The following POC1B variants were observed in gnomAD, a reference collection of about 807,000 sequenced individuals.
POC1B encodes the protein POC1 centriolar protein homolog B.
Under a neutral mutation model 60.6 loss-of-function variants are expected in POC1B, and 44 were observed. The ratio of observed to expected loss-of-function variants is 0.73; its 90% confidence interval spans 0.57 to 0.93. The LOEUF is 0.93. Ranked by LOEUF, POC1B falls within the 40% of genes least tolerant of loss-of-function variation. The pLI is 0.00. For missense variants in POC1B, 555 were observed against 572.3 expected (o/e 0.97, Z 0.31); for synonymous variants, 180 against 198.9 (o/e 0.90, Z 0.80).
chr12:89,421,019 C>T lies in POC1B; in HGVS notation c.*134G>A. Reference sequence around the variant, plus strand: ...CTTTTCTGCCTTTTGTTCTGTTGCTCACCCTTTTAAGAAATGCCATGATAA... The same window carrying T: ...CTTTTCTGCCTTTTGTTCTGTTGCTTACCCTTTTAAGAAATGCCATGATAA... On this transcript the variant is annotated 3_prime_UTR_variant, in exon 12 of 12. Coordinates refer to ENST00000313546, the MANE Select transcript of POC1B (RefSeq NM_172240.3). 1 of 620,246 alleles carries T rather than the reference C, an allele frequency of 1.6e-6. No homozygotes were observed. Among genetic ancestry groups the T allele is most frequent in the South Asian group, 3.2e-5 (1 of 31,094 alleles). The allele number at this position is 620,246 out of a possible 1,614,324, so 38.4% of individuals were successfully genotyped here.
In POC1B at chr12:89,502,761, A is replaced by G. The variant is rs778829348; in HGVS notation, c.101-5419T>C. 8.2e-5 allele frequency: 110 copies of G among 1,346,926 alleles called. No homozygotes were observed. In the Middle Eastern group the frequency reaches 1.2e-3, roughly 15 times the overall value. 83.4% of individuals were successfully genotyped at this position (1,346,926 alleles called of 1,614,324 possible). A position where few individuals can be genotyped will look rare whatever the true frequency, so the allele number is the denominator to read the frequency against. On this transcript the variant is annotated intron_variant, in intron 2 of 11. Coordinates refer to ENST00000313546, the MANE Select transcript of POC1B (RefSeq NM_172240.3). ...CCACAAGAAGAAAAGGGAAAGCAGC[A>G]TGTTGGCCAGGATATATTGTTTTTT...
At chr12:89,462,464 G>A (rs1565735583) in intron 9 of POC1B, among the ~76,000 whole-genome samples, 1 of 152,038 alleles carries the variant, frequency 6.6e-6, no homozygotes, top group African/African-American at 2.4e-5. Context: ...CCCCATTGAG[G>A]TTCTCTGTGT....
At chr12:89,406,114 C>T in the POC1B span, among the ~76,000 whole-genome samples, 2 of 151,826 alleles carry the variant, frequency 1.3e-5, no homozygotes, top group African/African-American at 4.8e-5. Flanking sequence ...CTTCCCCCCA[C>T]ATCTCATTAG....
chr12:89,449,356 A>G (rs564911009), intron 10 of POC1B, among the ~76,000 whole-genome samples: 1 of 152,358 alleles, frequency 6.6e-6, no homozygotes, highest in Admixed American at 6.5e-5. Context: ...AGGCATGTAA[A>G]TGAGAATGCT....
At chr12:89,413,381 G>C in the POC1B span, among the ~76,000 whole-genome samples, 2 of 152,030 alleles carry the variant, frequency 1.3e-5, no homozygotes, top group African/African-American at 4.8e-5. Context: ...AAATTTTGTG[G>C]AGATGGAGTC....
intron 2 of POC1B, chr12:89,520,407 A>G (rs1444947617): frequency 6.6e-6 from 1 of 152,072 alleles, no homozygotes; most frequent in Non-Finnish European, 1.5e-5. Flanking sequence ...GAGAAAATTT[A>G]AAAATAAGTA....
chr12:89,405,088 G>A, the POC1B span, among the ~76,000 whole-genome samples: 1 of 152,090 alleles, frequency 6.6e-6, no homozygotes, highest in African/African-American at 2.4e-5. Context: ...ACCTTTCCAT[G>A]TTTTGAATGA....
chr12:89,464,854 A>G (rs1316520991), intron 9 of POC1B, among the ~76,000 whole-genome samples: 6 of 151,868 alleles, frequency 4.0e-5, no homozygotes, highest in African/African-American at 1.2e-4. Flanking sequence ...CATATACAGA[A>G]TCCTATCACT....
intron 4 of POC1B, among the ~76,000 whole-genome samples, chr12:89,472,862 A>C (rs576223010): frequency 1.2e-4 from 19 of 152,348 alleles, no homozygotes; most frequent in African/African-American, 4.3e-4. Context: ...ACAGAACAGA[A>C]GTTCCTTCAT....
chr12:89,442,944 G>T (rs926795512), intron 10 of POC1B, among the ~76,000 whole-genome samples: 1 of 152,048 alleles, frequency 6.6e-6, no homozygotes, highest in African/African-American at 2.4e-5. Context: ...AAAAGCAGGG[G>T]TTGCAACCTT....
intron 9 of POC1B, among the ~76,000 whole-genome samples, chr12:89,462,368 T>A (rs1319830318): frequency 6.6e-6 from 1 of 152,144 alleles, no homozygotes; most frequent in Non-Finnish European, 1.5e-5. Context: ...GGCCAAGTTC[T>A]CCATGGCTGA....
chr12:89,415,246 T>C (rs961048747), downstream of POC1B, among the ~76,000 whole-genome samples: 14 of 152,238 alleles, frequency 9.2e-5, no homozygotes, highest in Non-Finnish European at 1.2e-4. Context: ...ATATCACACA[T>C]TTATTCACTA....
chr12:89,437,345 G>T (rs553037317), intron 10 of POC1B, among the ~76,000 whole-genome samples: 16 of 152,092 alleles, frequency 1.1e-4, no homozygotes, highest in South Asian at 2.1e-4. Flanking sequence ...AAACACATTC[G>T]AGATCATTCA....
intron 10 of POC1B, chr12:89,429,063 T>C (rs1880906030): frequency 6.6e-6 from 1 of 152,104 alleles, no homozygotes; most frequent in Non-Finnish European, 1.5e-5. Context: ...GCAGTCAAGG[T>C]CGTTAGTATA....
chr12:89,490,171 C>T (rs1285524143), intron 4 of POC1B, among the ~76,000 whole-genome samples: 1 of 152,146 alleles, frequency 6.6e-6, no homozygotes, highest in East Asian at 1.9e-4. Flanking sequence ...CCACTCCAAA[C>T]ATACCAGCTA....
At chr12:89,488,712 C>T (rs868857192) in intron 4 of POC1B, among the ~76,000 whole-genome samples, 1 of 152,156 alleles carries the variant, frequency 6.6e-6, no homozygotes, top group Non-Finnish European at 1.5e-5. Flanking sequence ...GTTTTGAACT[C>T]CTGACCTCAA....
chr12:89,488,984 C>G (rs1019727049), intron 4 of POC1B, among the ~76,000 whole-genome samples: 1 of 152,140 alleles, frequency 6.6e-6, no homozygotes, highest in Non-Finnish European at 1.5e-5. Context: ...AGAGCCTGAA[C>G]CTCTGCTCTC....
chr12:89,524,721 G>C, intron 2 of POC1B: 2 of 695,206 alleles, frequency 2.9e-6, no homozygotes, highest in Admixed American at 2.9e-5. Flanking sequence ...GAGCCCTCTC[G>C]GTCCTCGGCC....
intron 4 of POC1B, among the ~76,000 whole-genome samples, chr12:89,484,886 G>A (rs1868551263): frequency 6.6e-6 from 1 of 152,180 alleles, no homozygotes; most frequent in South Asian, 2.1e-4. Context: ...GCGTGGATGG[G>A]GAGATGGGCC....
Sources: gnomAD v4.1 joint callset for allele counts (sites outside exome capture counted in the v4.1 genomes callset) on GRCh38, gnomAD v4.1.1 for gene constraint, MANE v1.5 for transcripts, NCBI Gene and HGNC (gene_info 2026-07-23, HGNC 2026-07-21) for gene names.